Variants in CLIC5 observed in about 807,000 individuals in gnomAD.
The protein encoded by CLIC5 is CLIC family member 5.
A neutral mutation model predicts 24.7 loss-of-function variants in CLIC5; 20 were observed. The observed-to-expected ratio is 0.81, with a 90% CI of 0.57 to 1.18. The LOEUF (loss-of-function observed/expected upper bound fraction) is 1.18, where lower values mean the gene tolerates loss of function less well. CLIC5 is among the 50% of genes most tolerant of loss of function. The pLI is 0.00. For synonymous variants in CLIC5, 159 were observed against 135.6 expected (o/e 1.17, Z -1.20); for missense variants, 341 against 326.1 (o/e 1.05, Z -0.35).
At chr6:46,015,949 C>T, upstream of CLIC5, 5 of 977,856 alleles carry the variant, frequency 5.1e-6, no homozygotes, top group Non-Finnish European at 6.1e-6. Flanking sequence ...ACCCCGGCAG[C>T]TCGGGCCTGG....
At chr6:46,027,349 C>G (rs186198648) in intron 1 of CLIC5, among the ~76,000 whole-genome samples, 97 of 152,288 alleles carry the variant, frequency 6.4e-4, no homozygotes, top group African/African-American at 2.3e-3. Flanking sequence ...GAGATGGGAA[C>G]AGCATGTATG....
intron 4 of CLIC5, among the ~76,000 whole-genome samples, chr6:45,938,480 G>A (rs1036264269): frequency 6.6e-6 from 1 of 152,210 alleles, no homozygotes; most frequent in African/African-American, 2.4e-5. Context: ...TTGTTAAACA[G>A]AAGGTGGAAT....
chr6:46,049,050 C>A (rs79391482), intron 1 of CLIC5, among the ~76,000 whole-genome samples: 3,024 of 152,276 alleles, frequency 0.02, 118 homozygotes, highest in African/African-American at 0.069. Context: ...GTTTGAATAT[C>A]CCCTGCAACT....
At chr6:45,925,199 G>C (rs978920278) in intron 4 of CLIC5, among the ~76,000 whole-genome samples, 3 of 152,048 alleles carry the variant, frequency 2.0e-5, no homozygotes, top group African/African-American at 7.2e-5. Flanking sequence ...TATAGGTTTT[G>C]CTAATAAAAT....
intron 4 of CLIC5, among the ~76,000 whole-genome samples, chr6:45,917,796 A>C (rs1214903111): frequency 6.6e-6 from 1 of 152,268 alleles, no homozygotes; most frequent in Middle Eastern, 3.2e-3. Context: ...TACACAGGTC[A>C]TGAAACTATT....
chr6:46,020,383 A>C (rs1362758101), upstream of CLIC5, among the ~76,000 whole-genome samples: 1 of 152,208 alleles, frequency 6.6e-6, no homozygotes, highest in African/African-American at 2.4e-5. Flanking sequence ...CTGAATTCAA[A>C]TGAACATACA....
At chr6:45,940,629 A>T (rs1286303865) in intron 4 of CLIC5, among the ~76,000 whole-genome samples, 2 of 152,142 alleles carry the variant, frequency 1.3e-5, no homozygotes, top group Non-Finnish European at 2.9e-5. Context: ...ACAAAGATTC[A>T]TGGAGCACTT....
the CLIC5 span, among the ~76,000 whole-genome samples, chr6:46,108,368 TTGTGTG>T: frequency 1.6e-3 from 222 of 142,636 alleles, no homozygotes; most frequent in Non-Finnish European, 2.4e-3. Context: ...TATCGGGTCT[TTGTGTG>T]TGTGTGTGTG....
At chr6:46,041,524 C>T (rs1264448999) in intron 1 of CLIC5, among the ~76,000 whole-genome samples, 2 of 152,212 alleles carry the variant, frequency 1.3e-5, no homozygotes, top group Non-Finnish European at 2.9e-5. Flanking sequence ...CTTCGTTCCT[C>T]ACTTTATCCT....
chr6:46,032,770 AGC>A (rs1767540755), intron 1 of CLIC5, among the ~76,000 whole-genome samples: 1 of 152,274 alleles, frequency 6.6e-6, no homozygotes, highest in African/African-American at 2.4e-5. Context: ...GAACTTAGTG[AGC>A]TACTCGGGCT....
chr6:46,004,236 T>C (rs1269457084), intron 1 of CLIC5, among the ~76,000 whole-genome samples: 1 of 152,158 alleles, frequency 6.6e-6, no homozygotes, highest in South Asian at 2.1e-4. Context: ...TGCCAGTTTG[T>C]AGTAGGAAAC....
At chr6:45,911,840 G>C in intron 5 of CLIC5, 1 of 985,548 alleles carries the variant, frequency 1.0e-6, no homozygotes, top group Middle Eastern at 5.2e-4. Flanking sequence ...TGTGCACCCT[G>C]GGCCTTGGCT....
At chr6:45,956,030 G>T (rs1315895855) in intron 1 of CLIC5, among the ~76,000 whole-genome samples, 4 of 152,128 alleles carry the variant, frequency 2.6e-5, no homozygotes, top group African/African-American at 9.7e-5. Flanking sequence ...GATAAGACAG[G>T]AACATATGTA....
chr6:46,116,450 G>A, the CLIC5 span, among the ~76,000 whole-genome samples: 3 of 152,060 alleles, frequency 2.0e-5, no homozygotes, highest in Non-Finnish European at 4.4e-5. Context: ...CCAATGTCTC[G>A]AGCTATTTGA....
chr6:46,064,957 TCTG>T (rs139089119), intron 1 of CLIC5, among the ~76,000 whole-genome samples: 58,640 of 151,720 alleles, frequency 0.39, 11,488 homozygotes, highest in East Asian at 0.62. Flanking sequence ...ACAAAAAAGA[TCTG>T]CTCTTCAAAA....
At chr6:46,030,753 G>T (rs758342773) in intron 1 of CLIC5, among the ~76,000 whole-genome samples, 1 of 152,118 alleles carries the variant, frequency 6.6e-6, no homozygotes, top group Non-Finnish European at 1.5e-5. Context: ...CTTTCTTCAT[G>T]TTTCCTCATC....
intron 1 of CLIC5, among the ~76,000 whole-genome samples, chr6:45,964,676 A>G (rs145943627): frequency 1.3e-5 from 2 of 152,344 alleles, no homozygotes; most frequent in East Asian, 3.9e-4. Flanking sequence ...AGAATGAATG[A>G]GATTTCAGAT....
chr6:46,112,749 C>T, the CLIC5 span, among the ~76,000 whole-genome samples: 2 of 152,072 alleles, frequency 1.3e-5, no homozygotes, highest in African/African-American at 4.8e-5. Context: ...ATCAAGGTCT[C>T]TGAGAAGAAG....
chr6:45,914,028 T>C (rs1762917749), intron 5 of CLIC5, among the ~76,000 whole-genome samples, 200 bp downstream of exon 5: 1 of 152,174 alleles, frequency 6.6e-6, no homozygotes, highest in Non-Finnish European at 1.5e-5. Flanking sequence ...AATATATGCC[T>C]ATTTTATAAA....
Sources: gnomAD v4.1 joint callset for allele counts (sites outside exome capture counted in the v4.1 genomes callset) on GRCh38, gnomAD v4.1.1 for gene constraint, MANE v1.5 for transcripts, NCBI Gene and HGNC (gene_info 2026-07-23, HGNC 2026-07-21) for gene names.